WRN: variants seen among roughly 807,000 people sequenced by gnomAD.
The protein encoded by WRN is bifunctional 3'-5' exonuclease/ATP-dependent helicase WRN.
In WRN, 149 loss-of-function variants were observed where a neutral mutation model predicts 180.7. The observed-to-expected ratio is 0.82, with a 90% CI of 0.72 to 0.94. WRN has a LOEUF of 0.94. Ranked by LOEUF, WRN falls within the 40% of genes least tolerant of loss-of-function variation. WRN has a pLI of 0.00. For synonymous variants in WRN, 548 were observed against 568.9 expected (o/e 0.96, Z 0.52); for missense variants, 1,661 against 1,700.1 (o/e 0.98, Z 0.40).
Position 31,064,991 on chromosome 8 carries a change from G to A in WRN, c.432G>A (p.Gln144=), listed in dbSNP as rs766887542. 1.9e-6 allele frequency: 3 copies of A among 1,613,744 alleles called. No individual in the cohort carries two copies. Among genetic ancestry groups the A allele is most frequent in the South Asian group, 2.2e-5 (2 of 91,064 alleles). ...CAGGTGTAGGAATTGAAGGAGATCAGTGGAAACTTCTACGTGACTTTGATA... is the reference window on the plus strand; with the variant it reads ...CAGGTGTAGGAATTGAAGGAGATCAATGGAAACTTCTACGTGACTTTGATA... ...KKAGVGIEGD[Q]WKLLRDFDIK... is the part of the protein sequence containing the mutation. Residue 144 remains glutamine, a synonymous_variant, in exon 5 of 35, where the codon CAG becomes CAA. Coordinates refer to ENST00000298139, the MANE Select transcript of WRN (RefSeq NM_000553.6).
intron 23 of WRN, among the ~76,000 whole-genome samples, chr8:31,128,366 T>C (rs528296740): frequency 6.6e-6 from 1 of 152,218 alleles, no homozygotes; most frequent in South Asian, 2.1e-4. Flanking sequence ...ATCTCAAGTA[T>C]TTTTACTTCA....
chr8:31,063,636 G>A (rs1294865151), intron 3 of WRN, among the ~76,000 whole-genome samples: 1 of 152,222 alleles, frequency 6.6e-6, no homozygotes, highest in Non-Finnish European at 1.5e-5. Context: ...AGATAGATGT[G>A]AAATCACGTA....
chr8:31,123,136 T>A (rs2553274), intron 21 of WRN, among the ~76,000 whole-genome samples: 2 of 151,792 alleles, frequency 1.3e-5, no homozygotes, highest in Non-Finnish European at 2.9e-5. Context: ...CCACTCAGTC[T>A]GCCTCGACTT....
rs376606680 is a variant in WRN at position 31,107,022 on chromosome 8, A to G, written c.2089-4593A>G. Among the ~76,000 whole-genome samples the G allele has an allele frequency of 4.6e-5, 7 of 152,220 alleles. No homozygotes were observed. In the East Asian group the frequency reaches 9.6e-4, roughly 21 times the overall value. On this transcript the variant is annotated intron_variant, in intron 18 of 34. Transcript: ENST00000298139. ...CAACATCCTGCTAGTTTCTAAAGCA[A>G]ATGATTTGAAAGAGGCATAAAACAT... is the stretch of plus-strand genomic sequence containing the variant.
Position 31,058,476 on chromosome 8 carries a change from C to T in WRN, c.29C>T (p.Ala10Val), listed in dbSNP as rs1254527882. The T allele has an allele frequency of 6.2e-7, 1 of 1,613,540 alleles. No homozygotes were observed. The highest frequency in any genetic ancestry group is 1.3e-5 in the African/African-American group (1 of 74,894). Residue 10 changes from alanine to valine, a missense_variant, in exon 2 of 35, where the codon GCA becomes GTA. Physicochemically the swap from Ala to Val is moderately conservative, Grantham distance 64. Coordinates refer to ENST00000298139, the MANE Select transcript of WRN (RefSeq NM_000553.6). Reference sequence around the variant, plus strand: ...AGTGAAAAAAAATTGGAAACAACTGCACAGCAGCGGAAATGTCCTGAATGG... The same window carrying T: ...AGTGAAAAAAAATTGGAAACAACTGTACAGCAGCGGAAATGTCCTGAATGG... MSEKKLETT[A>V]QQRKCPEWMN...
chr8:31,093,892 A>G (rs1258990053), intron 16 of WRN, among the ~76,000 whole-genome samples: 1 of 152,196 alleles, frequency 6.6e-6, no homozygotes, highest in Non-Finnish European at 1.5e-5. Flanking sequence ...ATAATGCAGT[A>G]TAATTATTTT....
At position 31,108,710 on chromosome 8, in the gene WRN, G is replaced by A. The variant is rs532371348; in HGVS notation, c.2089-2905G>A. On this transcript the variant is annotated intron_variant, in intron 18 of 34. Transcript: ENST00000298139. ...CACAGGTTTGCAGTGTTACACAAGG[G>A]CCAAAGGAGGCCATGAGTTGTCTTT... is the stretch of plus-strand genomic sequence containing the variant. Among the ~76,000 whole-genome samples the A allele has an allele frequency of 1.4e-4, 22 of 152,264 alleles. No homozygotes were observed. In the East Asian group the frequency reaches 4.2e-3, roughly 29 times the overall value.
chr8:31,067,016 T>G lies in WRN; in HGVS notation c.505-17T>G, dbSNP rs1311284985. The G allele has an allele frequency of 4.3e-6, 7 of 1,613,224 alleles. No homozygotes were observed. Among genetic ancestry groups the G allele is most frequent in the Non-Finnish European group, 5.1e-6 (6 of 1,179,662 alleles). ...ACAGGAACTGATTTTACTGTGTTGC[T>G]TTTTCATCATTTCTAGCTGAAATGC... On this transcript the variant is annotated splice_polypyrimidine_tract_variant and intron_variant, in intron 5 of 34. Coordinates refer to ENST00000298139, the MANE Select transcript of WRN (RefSeq NM_000553.6).
At chr8:31,141,341 T>A (rs1254555052) in intron 24 of WRN, 89 bp from the exon 25 acceptor site, 4 of 1,532,830 alleles carry the variant, frequency 2.6e-6, no homozygotes, top group Non-Finnish European at 3.5e-6. Context: ...TTAGTGTAAA[T>A]CCAAAGAATC....
At chr8:31,053,412 C>A (rs1812149419) in intron 1 of WRN, among the ~76,000 whole-genome samples, 1 of 152,176 alleles carries the variant, frequency 6.6e-6, no homozygotes, top group Non-Finnish European at 1.5e-5. Flanking sequence ...ATTAAAAATT[C>A]AAATGGTGAA....
intron 21 of WRN, among the ~76,000 whole-genome samples, chr8:31,123,520 G>T (rs1801805697): frequency 6.6e-6 from 1 of 152,176 alleles, no homozygotes; most frequent in Non-Finnish European, 1.5e-5. Flanking sequence ...GGTCGTTTCA[G>T]ATGACAAGAA....
At chr8:31,091,004 T>C in intron 15 of WRN, 62 bp downstream of exon 15, 1 of 1,187,474 alleles carries the variant, frequency 8.4e-7, no homozygotes, top group Non-Finnish European at 1.3e-6. Context: ...GTGAAACATC[T>C]GATCCATCAT....
intron 24 of WRN, among the ~76,000 whole-genome samples, chr8:31,138,349 C>T (rs1471067280): frequency 6.6e-6 from 1 of 151,990 alleles, no homozygotes; most frequent in Non-Finnish European, 1.5e-5. Context: ...TTAAAGTATA[C>T]AATTTGATGT....
intron 7 of WRN, 135 bp from the exon 8 acceptor site, chr8:31,076,038 A>T: frequency 1.4e-6 from 1 of 734,058 alleles, no homozygotes; most frequent in East Asian, 2.7e-5. Context: ...GGGATTGAAT[A>T]AGAAGGTCTT....
chr8:31,146,174 T>G (rs1802849324), intron 28 of WRN, among the ~76,000 whole-genome samples: 1 of 151,674 alleles, frequency 6.6e-6, no homozygotes, highest in Non-Finnish European at 1.5e-5. Context: ...AGTACTATTT[T>G]TTTGACTTAG....
chr8:31,166,917 C>T (rs1803900410), intron 33 of WRN, 105 bp from the exon 34 acceptor site: 2 of 1,182,490 alleles, frequency 1.7e-6, no homozygotes, highest in Admixed American at 4.8e-5. Context: ...CTTTGGCAAC[C>T]TTCCACCTTC....
intron 1 of WRN, among the ~76,000 whole-genome samples, chr8:31,036,570 T>C (rs1344008406): frequency 6.6e-6 from 1 of 152,236 alleles, no homozygotes; most frequent in Non-Finnish European, 1.5e-5. Flanking sequence ...TGATATCTCA[T>C]TGTGATTTTG....
rs374142752 is a variant in WRN, at chr8:31,076,195, C to T, written c.747C>T (p.Asp249=). The T allele has an allele frequency of 2.6e-5, 42 of 1,613,616 alleles. 3 individuals are homozygous for T. In the Middle Eastern group the frequency reaches 5.8e-3, roughly 222 times the overall value. ...INKEEEILLS[D]MNKQLTSISE... Reference sequence around the variant, plus strand: ...TAGAGGAAGAAATCCTACTTAGCGACATGAACAAACAGTTGACTTCAATCT... The same window carrying T: ...TAGAGGAAGAAATCCTACTTAGCGATATGAACAAACAGTTGACTTCAATCT... Residue 249 remains aspartate, a synonymous_variant, in exon 8 of 35, where the codon GAC becomes GAT. Transcript: ENST00000298139.
chr8:31,144,009 T>A (rs1052375030), intron 28 of WRN, among the ~76,000 whole-genome samples: 4 of 152,204 alleles, frequency 2.6e-5, no homozygotes, highest in African/African-American at 9.6e-5. Context: ...CAAGTCTATA[T>A]TTGTCTACCT....
Sources: gnomAD v4.1 joint callset for allele counts (sites outside exome capture counted in the v4.1 genomes callset) on GRCh38, gnomAD v4.1.1 for gene constraint, MANE v1.5 for transcripts, NCBI Gene and HGNC (gene_info 2026-07-23, HGNC 2026-07-21) for gene names.